LAMA1: variants seen among roughly 807,000 people sequenced by gnomAD.
LAMA1 encodes the protein laminin subunit alpha 1, also known as laminin subunit alpha-1.
LAMA1 carries 219 observed loss-of-function variants against 348.7 expected under a neutral mutation model. The ratio of observed to expected loss-of-function variants is 0.63; its 90% CI spans 0.56 to 0.70. The LOEUF (loss-of-function observed/expected upper bound fraction) is 0.70. Among genes scored for constraint, LAMA1 ranks in the 30% least tolerant of loss-of-function variants. The pLI is 0.00. For synonymous variants in LAMA1, 1,487 were observed against 1,491.0 expected, an observed-to-expected ratio of 1.00 and a Z score of 0.06; for missense variants, 3,744 against 3,888.0, an observed-to-expected ratio of 0.96 and a Z score of 0.99.
At chr18:7,090,290 T>C (rs1242093362) in intron 1 of LAMA1, among the ~76,000 whole-genome samples, 1 of 152,224 alleles carries the variant, frequency 6.6e-6, no homozygotes, top group African/African-American at 2.4e-5. Context: ...GTGAAATATA[T>C]CAAAGTCTTG....
intron 1 of LAMA1, among the ~76,000 whole-genome samples, chr18:7,085,459 C>T (rs1423317235): frequency 7.1e-6 from 1 of 141,178 alleles, no homozygotes; most frequent in East Asian, 2.0e-4. Context: ...TGCTCTGTCG[C>T]CCAGGCTGTA....
chr18:7,069,598 T>C (rs899585577), intron 3 of LAMA1, among the ~76,000 whole-genome samples: 2 of 150,564 alleles, frequency 1.3e-5, no homozygotes, highest in African/African-American at 5.0e-5. Flanking sequence ...AGACCAGGTC[T>C]AAGAGGGGAC....
rs779541737 is a variant in LAMA1 at position 7,011,511 on chromosome 18, C to G, written c.3508-32G>C. On this transcript the variant is annotated intron_variant, in intron 24 of 62. Transcript: ENST00000389658. ...CACGAAAGGAGGGGAAAGTGCACTT[C>G]AAAATGCGAACTTTCCACTCCAGTT... 4 of 1,571,686 alleles carry G rather than the reference C, an allele frequency of 2.5e-6. No homozygotes were observed. The Admixed American group carries it at 7.5e-5, about 30-fold the overall frequency.
Position 6,956,736 on chromosome 18 carries a change from T to C in LAMA1, c.7994A>G (p.His2665Arg), listed in dbSNP as rs775657578. The C allele has an allele frequency of 1.2e-6, 2 of 1,614,204 alleles. No individual in the cohort carries two copies. The highest frequency in any genetic ancestry group is 1.7e-6 in the Non-Finnish European group (2 of 1,180,038). ...ELLDFNSAVGHEQVDLDTCWL... is the reference protein window; with the variant it reads ...ELLDFNSAVGREQVDLDTCWL... ...GCAGGTGTCCAGGTCGACTTGCTCA[T>C]GGCCAACTGCACTGTTGAAATCCAA... Residue 2665 changes from histidine to arginine, a missense_variant, in exon 56 of 63, where the codon CAT (histidine) becomes CGT (arginine). By Grantham distance (29) the His-to-Arg change is conservative (BLOSUM62 0). Transcript: ENST00000389658.
At chr18:7,057,952 G>A (rs118094434) in intron 3 of LAMA1, among the ~76,000 whole-genome samples, 4,003 of 151,126 alleles carry the variant, frequency 0.026, 77 homozygotes, top group Non-Finnish European at 0.041. Flanking sequence ...TTGCCACCAC[G>A]TCCGGCCAAT....
At chr18:6,991,327 G>C (rs1365345123) in intron 36 of LAMA1, among the ~76,000 whole-genome samples, 1 of 151,104 alleles carries the variant, frequency 6.6e-6, no homozygotes, top group African/African-American at 2.4e-5. Context: ...AAATTATTTG[G>C]AAGTGCATGT....
intron 3 of LAMA1, among the ~76,000 whole-genome samples, chr18:7,056,004 C>A (rs773889622): frequency 6.6e-6 from 1 of 151,428 alleles, no homozygotes; most frequent in Admixed American, 6.6e-5. Context: ...GGCGTGAACC[C>A]GGGAGGCAGA....
rs570720388 is a variant in LAMA1 at position 7,041,490 on chromosome 18, G to A, written c.1261+655C>T. Among the ~76,000 whole-genome samples the A allele has an allele frequency of 7.2e-5, 11 of 152,222 alleles. No individual in the cohort carries two copies. The South Asian group carries it at 1.7e-3, about 23-fold the overall frequency. ...GGGGGCCCACCCATCCCTACTGGTCGATATCCATTTTAACTGCCAGTGGCT... is the reference window on the plus strand; with the variant it reads ...GGGGGCCCACCCATCCCTACTGGTCAATATCCATTTTAACTGCCAGTGGCT... On this transcript the variant is annotated intron_variant, in intron 9 of 62. Transcript: ENST00000389658.
chr18:7,117,774 G>C lies in LAMA1; in HGVS notation c.-54C>G. 1.3e-6 allele frequency: 2 copies of C among 1,530,996 alleles called. No individual in the cohort carries two copies. The highest frequency in any genetic ancestry group is 1.8e-6 in the Non-Finnish European group (2 of 1,131,366). The allele number at this position is 1,530,996 out of a possible 1,614,324, so 94.8% of individuals were successfully genotyped here. A position where few individuals can be genotyped will look rare whatever the true frequency, so the allele number is the denominator to read the frequency against. ...GGGGAGAAAGCCGCGCGCCCGCCTG[G>C]AACGCTCCACGGGACGCGAGTCCGC... On this transcript the variant is annotated 5_prime_UTR_variant, in exon 1 of 63. Transcript: ENST00000389658.
At chr18:7,031,992 A>C in intron 16 of LAMA1, 74 bp downstream of exon 16, 2 of 1,289,560 alleles carry the variant, frequency 1.6e-6, no homozygotes, top group Non-Finnish European at 2.2e-6. Context: ...GCACTTAAAA[A>C]AAAATCACTT....
Position 7,040,976 on chromosome 18 carries a change from C to T in LAMA1, c.1262-740G>A, listed in dbSNP as rs113770510. ...AAGGTAATTAACGATTGCCAGGGGCCGGGAGAAGGGGCTGGAGGAAAGTAA... is the reference window on the plus strand; with the variant it reads ...AAGGTAATTAACGATTGCCAGGGGCTGGGAGAAGGGGCTGGAGGAAAGTAA... On this transcript the variant is annotated intron_variant, in intron 9 of 62. Transcript: ENST00000389658. 7.4e-3 allele frequency among the ~76,000 whole-genome samples: 1,126 copies of T among 152,080 alleles called. 16 individuals carry two copies. The highest frequency in any genetic ancestry group is 0.025 in the African/African-American group (1,057 of 41,460).
chr18:6,969,788 G>A (rs1319686823), intron 48 of LAMA1, among the ~76,000 whole-genome samples: 1 of 152,106 alleles, frequency 6.6e-6, no homozygotes, highest in Non-Finnish European at 1.5e-5. Context: ...AGGCAGGCCA[G>A]GTATTTCAAG....
chr18:6,951,090 G>A, intron 57 of LAMA1, 119 bp from the exon 58 acceptor site: 1 of 864,710 alleles, frequency 1.2e-6, no homozygotes, highest in Non-Finnish European at 1.9e-6. Context: ...GGAGAGAGGG[G>A]TATTCATTCC....
intron 56 of LAMA1, chr18:6,955,694 C>T (rs978557546): frequency 1.1e-5 from 7 of 633,810 alleles, no homozygotes; most frequent in Admixed American, 2.1e-5. Flanking sequence ...TAATCCCACT[C>T]GGCTTCACTG....
At chr18:6,990,568 G>A (rs967590041) in intron 36 of LAMA1, among the ~76,000 whole-genome samples, 1 of 152,078 alleles carries the variant, frequency 6.6e-6, no homozygotes, top group Non-Finnish European at 1.5e-5. Flanking sequence ...GTGTGCAGTC[G>A]GGGCTGCAGG....
chr18:7,023,997 C>T (rs1458234720), intron 18 of LAMA1, among the ~76,000 whole-genome samples: 1 of 151,894 alleles, frequency 6.6e-6, no homozygotes, highest in Non-Finnish European at 1.5e-5. Flanking sequence ...CGCCGTCATG[C>T]CCGGCCTTTT....
rs1489968148 is a variant in LAMA1, at chr18:7,023,297, G to A, written c.2568C>T (p.Asp856=). 2.5e-6 allele frequency: 4 copies of A among 1,614,158 alleles called. No individual in the cohort carries two copies. In the Admixed American group the frequency reaches 6.7e-5, roughly 27 times the overall value. The change falls in exon 19 of 63, where the codon GAC becomes GAT. Residue 856 remains aspartate, a synonymous_variant. Coordinates refer to ENST00000389658, the MANE Select transcript of LAMA1 (RefSeq NM_005559.4). ...CVPCDCSGNV[D]PSEAGHCDSV... ...AGTCACAGTGACCAGCCTCCGAGGG[G>A]TCCACGTTGCCGCTGCAGTCACAGG...
At chr18:6,980,316 T>G (rs562254408) in intron 42 of LAMA1, among the ~76,000 whole-genome samples, 1 of 152,354 alleles carries the variant, frequency 6.6e-6, no homozygotes, top group South Asian at 2.1e-4. Context: ...TCTAGTAGCT[T>G]GATGCAAGTA....
chr18:7,062,375 G>T (rs978491357), intron 3 of LAMA1, among the ~76,000 whole-genome samples: 1 of 152,312 alleles, frequency 6.6e-6, no homozygotes, highest in Admixed American at 6.5e-5. Context: ...GAACTCTGAG[G>T]GCAGAGCACA....
Sources: gnomAD v4.1 joint callset for allele counts (sites outside exome capture counted in the v4.1 genomes callset) on GRCh38, gnomAD v4.1.1 for gene constraint, MANE v1.5 for transcripts, NCBI Gene and HGNC (gene_info 2026-07-23, HGNC 2026-07-21) for gene names.